Variants in KALRN observed in about 807,000 individuals in gnomAD.
The protein encoded by KALRN is kalirin.
In KALRN, 70 loss-of-function variants were observed where a neutral mutation model predicts 353.7. That is an observed-to-expected ratio of 0.20 (90% confidence interval 0.16 to 0.24). KALRN has a LOEUF of 0.24. KALRN is among the 10% of genes least tolerant of loss of function. The pLI is 1.00. For synonymous variants in KALRN, 1,391 were observed against 1,434.8 expected, an observed-to-expected ratio of 0.97 and a Z score of 0.69; for missense variants, 2,791 against 3,756.7, an observed-to-expected ratio of 0.74 and a Z score of 6.72.
At chr3:124,430,166 C>T (rs550202186) in intron 15 of KALRN, among the ~76,000 whole-genome samples, 2 of 152,170 alleles carry the variant, frequency 1.3e-5, no homozygotes, top group South Asian at 2.1e-4. Context: ...TGGTGAATAC[C>T]ATAACGGTGG....
At chr3:124,692,818 T>C (rs188171782) in intron 51 of KALRN, among the ~76,000 whole-genome samples, 1 of 152,344 alleles carries the variant, frequency 6.6e-6, no homozygotes, top group Admixed American at 6.5e-5. Context: ...ACAATCACAT[T>C]AAACAAAACA....
At chr3:124,459,618 C>T (rs1007645882) in intron 23 of KALRN, among the ~76,000 whole-genome samples, 2 of 152,096 alleles carry the variant, frequency 1.3e-5, no homozygotes, top group South Asian at 2.1e-4. Flanking sequence ...AACAATGAAC[C>T]GTACCAATCT....
chr3:124,101,028 A>AGTAAAC (rs1465542212), intron 1 of KALRN, among the ~76,000 whole-genome samples: 3 of 152,288 alleles, frequency 2.0e-5, no homozygotes, highest in African/African-American at 7.2e-5. Flanking sequence ...ACATGGGAAT[A>AGTAAAC]GTAAACATAG....
At chr3:124,718,598 A>G (rs2063277518) in intron 59 of KALRN, among the ~76,000 whole-genome samples, 1 of 152,218 alleles carries the variant, frequency 6.6e-6, no homozygotes, top group African/African-American at 2.4e-5. Flanking sequence ...CTTCTCTTCC[A>G]TGCTTCTCAA....
At position 124,219,309 on chromosome 3, in the gene KALRN, G is replaced by A. The variant is rs149014489; in HGVS notation, c.74-8681G>A. ...CAGTGATATACTGAGGCAGAGAAGT[G>A]AGTCCAGCCCAGATGGTGATTGAGC... On this transcript the variant is annotated intron_variant, in intron 1 of 59. Transcript: ENST00000682506. Among the ~76,000 whole-genome samples the A allele has an allele frequency of 2.0e-3, 304 of 152,336 alleles. 1 individual carries two copies. Among genetic ancestry groups the A allele is most frequent in the African/African-American group, 7.0e-3 (293 of 41,578 alleles).
At chr3:124,050,046 A>G (rs1299278035) in intron 1 of KALRN, among the ~76,000 whole-genome samples, 1 of 152,104 alleles carries the variant, frequency 6.6e-6, no homozygotes, top group Non-Finnish European at 1.5e-5. Context: ...CTGGGTGCAT[A>G]GAGGTGTTTA....
chr3:124,442,658 A>G (rs1029737456), intron 19 of KALRN, among the ~76,000 whole-genome samples: 1 of 152,154 alleles, frequency 6.6e-6, no homozygotes, highest in African/African-American at 2.4e-5. Context: ...ACCAGCCACA[A>G]TGACATCCCT....
chr3:124,512,111 T>C (rs1011369620), intron 33 of KALRN, among the ~76,000 whole-genome samples: 4 of 152,224 alleles, frequency 2.6e-5, no homozygotes, highest in South Asian at 2.1e-4. Flanking sequence ...TATGAATTTG[T>C]GTGTGTGTTC....
intron 51 of KALRN, among the ~76,000 whole-genome samples, chr3:124,687,359 C>T (rs978237874): frequency 6.6e-6 from 1 of 152,216 alleles, no homozygotes; most frequent in African/African-American, 2.4e-5. Flanking sequence ...TCCTAACTGA[C>T]TCCTAGGCTG....
At chr3:124,220,131 G>C (rs567912086) in intron 1 of KALRN, among the ~76,000 whole-genome samples, 4 of 152,040 alleles carry the variant, frequency 2.6e-5, no homozygotes, top group Non-Finnish European at 5.9e-5. Context: ...TTTTAGTAGA[G>C]ACAGGGTTTC....
At chr3:124,484,978 C>A (rs926127376) in intron 28 of KALRN, among the ~76,000 whole-genome samples, 3 of 152,174 alleles carry the variant, frequency 2.0e-5, no homozygotes, top group Non-Finnish European at 4.4e-5. Context: ...TGCCTGTAAT[C>A]CCAGCTACTC....
chr3:124,555,028 A>G (rs938733469), intron 33 of KALRN, among the ~76,000 whole-genome samples: 1 of 152,150 alleles, frequency 6.6e-6, no homozygotes, highest in African/African-American at 2.4e-5. Context: ...ATTTTTCAGG[A>G]AAGTGCGCAT....
At chr3:124,623,392 T>TATA (rs2079524643) in intron 34 of KALRN, among the ~76,000 whole-genome samples, 4 of 45,378 alleles carry the variant, frequency 8.8e-5, no homozygotes, top group African/African-American at 4.8e-4. Flanking sequence ...ATATATATAT[T>TATA]TATTTATACA....
At chr3:124,245,951 C>T (rs565486911) in intron 3 of KALRN, among the ~76,000 whole-genome samples, 1 of 152,250 alleles carries the variant, frequency 6.6e-6, no homozygotes, top group Admixed American at 6.5e-5. Context: ...CCCAGTATGA[C>T]TTGCAATGTT....
intron 10 of KALRN, among the ~76,000 whole-genome samples, chr3:124,383,500 G>T (rs2087731397): frequency 6.6e-6 from 1 of 152,092 alleles, no homozygotes. Flanking sequence ...AGCATTCTTA[G>T]CCTTGTAGAT....
chr3:124,584,969 G>T (rs1348540515), intron 34 of KALRN: 15 of 1,543,762 alleles, frequency 9.7e-6, no homozygotes, highest in Non-Finnish European at 1.3e-5. Flanking sequence ...TCAGCGCGAG[G>T]GAGGGTGGTA....
At chr3:124,208,318 T>C (rs1360429714) in intron 1 of KALRN, among the ~76,000 whole-genome samples, 1 of 152,196 alleles carries the variant, frequency 6.6e-6, no homozygotes, top group African/African-American at 2.4e-5. Context: ...GAGCTTCAAA[T>C]GCTGTAAGTC....
chr3:124,679,412 C>G lies in KALRN; in HGVS notation c.7318-46C>G, dbSNP rs188355547. ...CTCTCTAGCAAAAGCTACTTGTGTT[C>G]TAACTGTGTTCTCTTTCTTCCCCCT... On this transcript the variant is annotated intron_variant, in intron 50 of 59. Coordinates refer to ENST00000682506, the MANE Select transcript of KALRN (RefSeq NM_001388419.1). The G allele has an allele frequency of 3.1e-5, 48 of 1,545,580 alleles. No individual in the cohort carries two copies. In the South Asian group the frequency reaches 5.2e-4, roughly 17 times the overall value.
At chr3:124,584,929 G>C (rs762475079) in intron 34 of KALRN, 2 of 1,583,084 alleles carry the variant, frequency 1.3e-6, no homozygotes, top group Admixed American at 1.8e-5. Flanking sequence ...CGGCGGCCTT[G>C]GTGCCTTCTG....
Sources: allele counts gnomAD v4.1 joint callset (sites outside exome capture counted in the v4.1 genomes callset), GRCh38; gene constraint gnomAD v4.1.1; transcripts MANE v1.5; gene names NCBI Gene and HGNC (gene_info 2026-07-23, HGNC 2026-07-21).